Variants in SCAPER observed in about 807,000 individuals in gnomAD.
The protein encoded by SCAPER is S phase cyclin A-associated protein in the endoplasmic reticulum.
A neutral mutation model predicts 182.2 loss-of-function variants in SCAPER; 98 were observed. The observed-to-expected ratio is 0.54, with a 90% confidence interval of 0.46 to 0.64. SCAPER has a LOEUF of 0.64. SCAPER is among the 30% of genes least tolerant of loss of function. The pLI is 0.00. For missense variants in SCAPER, 1,432 were observed against 1,690.0 expected (o/e 0.85, Z 2.68); for synonymous variants, 605 against 564.6 (o/e 1.07, Z -1.01).
intron 18 of SCAPER, among the ~76,000 whole-genome samples, chr15:76,704,816 C>G (rs945959311): frequency 6.6e-6 from 1 of 152,196 alleles, no homozygotes; most frequent in African/African-American, 2.4e-5. Flanking sequence ...CACTCTCCAT[C>G]AGAGAAATGC....
At chr15:76,559,798 T>C (rs1163519847) in intron 23 of SCAPER, among the ~76,000 whole-genome samples, 2 of 152,140 alleles carry the variant, frequency 1.3e-5, no homozygotes, top group African/African-American at 4.8e-5. Flanking sequence ...ACTACGCTTA[T>C]TACCTGGGTG....
chr15:76,715,425 A>G (rs1381373784), intron 17 of SCAPER, among the ~76,000 whole-genome samples: 5 of 152,092 alleles, frequency 3.3e-5, no homozygotes, highest in Non-Finnish European at 7.4e-5. Context: ...TAGGCCAAAG[A>G]GACACAGTGC....
chr15:76,412,739 T>C (rs746101658), intron 26 of SCAPER, among the ~76,000 whole-genome samples: 3 of 152,184 alleles, frequency 2.0e-5, no homozygotes, highest in Non-Finnish European at 4.4e-5. Context: ...AACTTTTCCA[T>C]AGAAATCTCA....
At chr15:76,370,310 T>TTTG (rs2042077333) in intron 29 of SCAPER, among the ~76,000 whole-genome samples, 19 of 137,360 alleles carry the variant, frequency 1.4e-4, no homozygotes, top group South Asian at 4.6e-4. Flanking sequence ...TTTTTTTTTT[T>TTTG]TTTTTTGTTT....
chr15:76,596,243 C>T (rs1412655058), intron 22 of SCAPER, among the ~76,000 whole-genome samples: 1 of 23,014 alleles, frequency 4.3e-5, no homozygotes, highest in South Asian at 1.8e-3. Context: ...ATACAGCCTC[C>T]CAAGATGAAA....
chr15:76,451,604 C>T (rs529468360), intron 25 of SCAPER, among the ~76,000 whole-genome samples: 1 of 152,318 alleles, frequency 6.6e-6, no homozygotes, highest in South Asian at 2.1e-4. Flanking sequence ...GCTTTTTCCT[C>T]TCTAAACAGA....
intron 23 of SCAPER, among the ~76,000 whole-genome samples, chr15:76,564,194 G>C (rs1254824540): frequency 6.6e-6 from 1 of 152,040 alleles, no homozygotes; most frequent in African/African-American, 2.4e-5. Context: ...AAAAATAAAG[G>C]ACATCCAAAT....
chr15:76,825,520 C>T (rs1446371212), intron 5 of SCAPER, among the ~76,000 whole-genome samples: 1 of 148,914 alleles, frequency 6.7e-6, no homozygotes, highest in African/African-American at 2.4e-5. Flanking sequence ...ACACATCTCA[C>T]TTTCTAAGTT....
At chr15:76,673,988 CA>C in intron 20 of SCAPER, among the ~76,000 whole-genome samples, 1 of 143,184 alleles carries the variant, frequency 7.0e-6, no homozygotes, top group Admixed American at 7.2e-5. Flanking sequence ...CACACACACA[CA>C]CCCCAATCAG....
chr15:76,883,718 T>C (rs2073699002), intron 2 of SCAPER, 94 bp downstream of exon 2: 4 of 1,043,276 alleles, frequency 3.8e-6, no homozygotes, highest in South Asian at 1.6e-5. Flanking sequence ...ATAGGGTATC[T>C]TGAATGAAAC....
rs140774325 is a variant in SCAPER at position 76,744,860 on chromosome 15, T to C, written c.1866+8948A>G. Among the ~76,000 whole-genome samples the C allele has an allele frequency of 1.6e-3, 247 of 152,076 alleles. 1 individual carries two copies. Among genetic ancestry groups the C allele is most frequent in the African/African-American group, 5.7e-3 (238 of 41,474 alleles). On this transcript the variant is annotated intron_variant, in intron 15 of 31. Transcript: ENST00000563290. Reference sequence around the variant, plus strand: ...ATGTTCATTGCCATGCTATTCACAATAGCAAAGACATGGAATCAACCCAGG... The same window carrying C: ...ATGTTCATTGCCATGCTATTCACAACAGCAAAGACATGGAATCAACCCAGG...
In SCAPER at chr15:76,841,626, G is replaced by A. The variant is rs12101854; in HGVS notation, c.393+108C>T. On this transcript the variant is annotated intron_variant, in intron 5 of 31. Transcript: ENST00000563290. ...CGCGTCACTACACTCCAGCCTGGGC[G>A]ACAGAGCAAAACTCCATCTCAAAGA... 0.014 allele frequency: 15,693 copies of A among 1,146,540 alleles called. 961 individuals carry two copies. The African/African-American group carries it at 0.17, about 12-fold the overall frequency. The allele number at this position is 1,146,540 out of a possible 1,614,324, so 71.0% of individuals were successfully genotyped here.
chr15:76,882,131 A>C (rs1487707000), intron 2 of SCAPER, among the ~76,000 whole-genome samples: 3 of 152,190 alleles, frequency 2.0e-5, no homozygotes, highest in Admixed American at 2.0e-4. Flanking sequence ...ATAGTAGCTC[A>C]TGCCTGTAAT....
At chr15:76,851,171 CAA>C (rs1201492144) in intron 4 of SCAPER, among the ~76,000 whole-genome samples, 1 of 151,958 alleles carries the variant, frequency 6.6e-6, no homozygotes, top group Non-Finnish European at 1.5e-5. Context: ...AACAAACCTC[CAA>C]GAACTGTGGG....
intron 25 of SCAPER, among the ~76,000 whole-genome samples, chr15:76,463,023 C>T (rs2049313063): frequency 1.3e-5 from 2 of 152,092 alleles, no homozygotes; most frequent in Admixed American, 6.6e-5. Flanking sequence ...AACGAGTGGA[C>T]TGAAATAGAC....
In SCAPER at chr15:76,774,951, T is replaced by C; in HGVS notation, c.939A>G (p.Lys313=). ...VCLLPDESIQ[K]GQFVGDGTSN... is the part of the protein sequence containing the mutation. ...AAGTTCCATCTCCAACAAATTGACC[T>C]TTCTGTATGCTTTCATCAGGTAAAA... Residue 313 remains lysine, a synonymous_variant, in exon 9 of 32, where the codon AAA becomes AAG. Transcript: ENST00000563290. The C allele has an allele frequency of 6.2e-7, 1 of 1,613,840 alleles. No homozygotes were observed. Among genetic ancestry groups the C allele is most frequent in the East Asian group, 2.2e-5 (1 of 44,870 alleles).
intron 21 of SCAPER, among the ~76,000 whole-genome samples, chr15:76,624,919 C>T (rs1597774534): frequency 1.3e-5 from 2 of 152,126 alleles, no homozygotes; most frequent in South Asian, 4.2e-4. Context: ...GCAGGAATAA[C>T]CTCTGGATCC....
In SCAPER at chr15:76,652,552, CACACACACAT is replaced by C. The variant is rs1289783518; in HGVS notation, c.2645+13091_2645+13100del. 4.8e-5 allele frequency among the ~76,000 whole-genome samples: 7 copies of C among 144,556 alleles called. No individual in the cohort carries two copies. The South Asian group carries it at 6.8e-4, about 14-fold the overall frequency. The allele number at this position is 144,556 out of a possible 152,430, so 94.8% of individuals were successfully genotyped here. A position where few individuals can be genotyped will look rare whatever the true frequency, so the allele number is the denominator to read the frequency against. The stretch of plus-strand genomic sequence containing the variant: ...ACACACACACACACACACACACACA[CACACACACAT>C]TAGCCGGGTGTGGTGGCAGGTGCCT... On this transcript the variant is annotated intron_variant, in intron 21 of 31. Transcript: ENST00000563290.
At chr15:76,485,440 G>C (rs918212685) in intron 24 of SCAPER, among the ~76,000 whole-genome samples, 1 of 152,120 alleles carries the variant, frequency 6.6e-6, no homozygotes, top group Non-Finnish European at 1.5e-5. Context: ...ACTCAATATC[G>C]TTAAAATGGC....
Sources: gnomAD v4.1 joint callset for allele counts (sites outside exome capture counted in the v4.1 genomes callset) on GRCh38, gnomAD v4.1.1 for gene constraint, MANE v1.5 for transcripts, NCBI Gene and HGNC (gene_info 2026-07-23, HGNC 2026-07-21) for gene names.